PLEKHH2: variants seen among roughly 807,000 people sequenced by gnomAD.
PLEKHH2 encodes the protein pleckstrin homology domain-containing family H member 2.
A neutral mutation model predicts 187.9 loss-of-function variants in PLEKHH2; 129 were observed. The observed-to-expected ratio is 0.69, with a 90% confidence interval of 0.59 to 0.79. The LOEUF (loss-of-function observed/expected upper bound fraction) is 0.79. PLEKHH2 is among the 30% of genes least tolerant of loss of function. The pLI is 0.00. For synonymous variants in PLEKHH2, 686 were observed against 605.6 expected (o/e 1.13, Z -1.95); for missense variants, 2,076 against 1,751.2 (o/e 1.19, Z -3.31).
intron 24 of PLEKHH2, among the ~76,000 whole-genome samples, chr2:43,748,707 A>G (rs945232028): frequency 7.2e-5 from 11 of 151,840 alleles, no homozygotes; most frequent in African/African-American, 2.7e-4. Context: ...GGAAGGAGCC[A>G]GCTCCTGGAC....
chr2:43,677,909 CGGCTGGCCGGGCGGGGGGCTG>C (rs1467001580), intron 2 of PLEKHH2, among the ~76,000 whole-genome samples: 16 of 43,340 alleles, frequency 3.7e-4, no homozygotes, highest in African/African-American at 1.5e-3. Flanking sequence ...CAGGACGGGG[CGGCTGGCCGGGCGGGGGGCTG>C]ATCCCCCCAC....
chr2:43,677,831 A>AC (rs1268272260), intron 2 of PLEKHH2, among the ~76,000 whole-genome samples: 2,944 of 124,514 alleles, frequency 0.024, 54 homozygotes, highest in African/African-American at 0.035. Flanking sequence ...CGGGGGGCTG[A>AC]CCCCCCCCCA....
chr2:43,760,946 A>G (rs1482536948), intron 27 of PLEKHH2, among the ~76,000 whole-genome samples: 1 of 152,230 alleles, frequency 6.6e-6, no homozygotes, highest in African/African-American at 2.4e-5. Flanking sequence ...AGGTTCATCC[A>G]TGTTGTAACA....
At chr2:43,668,252 G>A (rs920309554) in intron 2 of PLEKHH2, among the ~76,000 whole-genome samples, 1 of 152,076 alleles carries the variant, frequency 6.6e-6, no homozygotes, top group Admixed American at 6.5e-5. Flanking sequence ...GATTGGTCTC[G>A]AATTCCTGAC....
At chr2:43,735,237 A>G (rs950540146) in intron 19 of PLEKHH2, among the ~76,000 whole-genome samples, 1 of 152,210 alleles carries the variant, frequency 6.6e-6, no homozygotes, top group Non-Finnish European at 1.5e-5. Flanking sequence ...AATATTATTC[A>G]GCCATTACGA....
chr2:43,765,500 C>A lies in PLEKHH2; in HGVS notation c.4384C>A (p.Leu1462Met). ...AAFHHLSAPA[L>M]LSAQTRGPQA... ...ATTTCACCACCTCTCTGCTCCAGCACTGCTCTCAGCCCAGACCCGGGGACC... is the reference window on the plus strand; with the variant it reads ...ATTTCACCACCTCTCTGCTCCAGCAATGCTCTCAGCCCAGACCCGGGGACC... Residue 1462 changes from leucine (L) to methionine (M), a missense_variant, in exon 30 of 30, where the codon CTG (leucine) becomes ATG (methionine). By Grantham distance (15) the Leu-to-Met change is conservative. Transcript: ENST00000282406. The A allele has an allele frequency of 6.2e-7, 1 of 1,614,186 alleles. No homozygotes were observed. Among genetic ancestry groups the A allele is most frequent in the Non-Finnish European group, 8.5e-7 (1 of 1,180,028 alleles).
intron 2 of PLEKHH2, among the ~76,000 whole-genome samples, chr2:43,677,612 A>C (rs1019330655): frequency 4.0e-5 from 6 of 151,766 alleles, no homozygotes; most frequent in African/African-American, 1.5e-4. Flanking sequence ...CCACACAGAC[A>C]CGGCAACCAT....
At chr2:43,764,123 AATTG>A (rs1672532649) in intron 28 of PLEKHH2, 101 bp from the exon 29 acceptor site, 2 of 641,568 alleles carry the variant, frequency 3.1e-6, no homozygotes, top group Non-Finnish European at 4.7e-6. Flanking sequence ...ATTATACCAT[AATTG>A]ATTAATATCT....
chr2:43,713,798 A>G (rs1365834814), intron 15 of PLEKHH2, among the ~76,000 whole-genome samples: 2 of 152,048 alleles, frequency 1.3e-5, no homozygotes, highest in African/African-American at 2.4e-5. Flanking sequence ...TACTCTGATT[A>G]TGTAAGAGGT....
At chr2:43,676,346 C>A in intron 2 of PLEKHH2, 2 of 1,552,696 alleles carry the variant, frequency 1.3e-6, no homozygotes, top group South Asian at 1.2e-5. Context: ...GGACAGTGTG[C>A]CAGGGTCAAA....
intron 8 of PLEKHH2, among the ~76,000 whole-genome samples, chr2:43,703,389 A>C (rs144087056): frequency 6.6e-6 from 1 of 152,194 alleles, no homozygotes; most frequent in Non-Finnish European, 1.5e-5. Flanking sequence ...TGCAATTCTC[A>C]TATTCATTTC....
At chr2:43,717,812 C>A (rs899485651) in intron 15 of PLEKHH2, among the ~76,000 whole-genome samples, 1 of 152,218 alleles carries the variant, frequency 6.6e-6, no homozygotes, top group Non-Finnish European at 1.5e-5. Flanking sequence ...ATAGAGCCAA[C>A]CTCACAGGGT....
At chr2:43,719,193 T>C (rs1405635376) in intron 15 of PLEKHH2, among the ~76,000 whole-genome samples, 2 of 152,210 alleles carry the variant, frequency 1.3e-5, no homozygotes, top group East Asian at 3.8e-4. Flanking sequence ...GACTGTATCT[T>C]GTTCAAATCT....
At chr2:43,710,721 A>T in intron 14 of PLEKHH2, 146 bp downstream of exon 14, 1 of 1,423,872 alleles carries the variant, frequency 7.0e-7, no homozygotes. Context: ...GAAGTATGTG[A>T]AACTCCACGA....
chr2:43,696,690 A>G (rs1274833344), intron 6 of PLEKHH2, among the ~76,000 whole-genome samples: 1 of 152,086 alleles, frequency 6.6e-6, no homozygotes, highest in Admixed American at 6.6e-5. Flanking sequence ...TAAGATAAGC[A>G]AAAGTCATTA....
rs5830767 is a variant in PLEKHH2 at position 43,705,251 on chromosome 2, CTT to C, written c.1727-1050_1727-1049del. Among the ~76,000 whole-genome samples, 646 of 95,840 alleles carry C rather than the reference CTT, an allele frequency of 6.7e-3. 5 individuals are homozygous for C. The highest frequency in any genetic ancestry group is 0.026 in the African/African-American group (609 of 23,390). 62.9% of individuals were successfully genotyped at this position (95,840 alleles called of 152,430 possible). A position where few individuals can be genotyped will look rare whatever the true frequency, so the allele number is the denominator to read the frequency against. ...TTCTTTCCATTCAGGAAATTTTATC[CTT>C]TTTTTTTTTTTTTTTTTTTTGAGGC... On this transcript the variant is annotated intron_variant, in intron 9 of 29. Coordinates refer to ENST00000282406, the MANE Select transcript of PLEKHH2 (RefSeq NM_172069.4).
At chr2:43,736,772 G>A (rs1219953700) in intron 19 of PLEKHH2, among the ~76,000 whole-genome samples, 1 of 152,084 alleles carries the variant, frequency 6.6e-6, no homozygotes, top group Admixed American at 6.6e-5. Flanking sequence ...GGCAGAAGTT[G>A]CGCTGAGCTC....
intron 18 of PLEKHH2, among the ~76,000 whole-genome samples, chr2:43,730,335 T>A (rs994854785): frequency 6.6e-6 from 1 of 152,238 alleles, no homozygotes; most frequent in African/African-American, 2.4e-5. Context: ...AAGACAATTC[T>A]TCTTCCAGTG....
intron 23 of PLEKHH2, 124 bp from the exon 24 acceptor site, chr2:43,745,742 A>G: frequency 1.6e-6 from 1 of 638,756 alleles, no homozygotes; most frequent in Non-Finnish European, 2.6e-6. Flanking sequence ...GGCTGAAAAC[A>G]AAAAGCTTGA....
Sources: gnomAD v4.1 joint callset for allele counts (sites outside exome capture counted in the v4.1 genomes callset) on GRCh38, gnomAD v4.1.1 for gene constraint, MANE v1.5 for transcripts, NCBI Gene and HGNC (gene_info 2026-07-23, HGNC 2026-07-21) for gene names.